The following DIAPH2 variants were observed in gnomAD, a reference collection of about 807,000 sequenced individuals.
DIAPH2 encodes the protein protein diaphanous homolog 2.
A neutral mutation model predicts 92.7 loss-of-function variants in DIAPH2; 35 were observed. The observed-to-expected ratio is 0.38, with a 90% CI of 0.29 to 0.50. The LOEUF is 0.50. DIAPH2 is among the 20% of genes least tolerant of loss of function. The pLI, the probability that DIAPH2 is intolerant of heterozygous loss-of-function variation, is 0.94. For synonymous variants in DIAPH2, 301 were observed against 280.4 expected (o/e 1.07, Z -0.73); for missense variants, 701 against 819.5 (o/e 0.86, Z 1.77).
At chrX:96,865,722 A>G (rs947603885) in intron 4 of DIAPH2, among the ~76,000 whole-genome samples, 8 of 112,123 alleles carry the variant, frequency 7.1e-5, no homozygotes, top group African/African-American at 2.6e-4. Context: ...GTTCCCATTT[A>G]TAAAATGTGT....
chrX:97,595,667 A>T (rs2071546401), intron 26 of DIAPH2, among the ~76,000 whole-genome samples: 1 of 97,694 alleles, frequency 1.0e-5, no homozygotes, highest in African/African-American at 3.9e-5. Context: ...ACAGAGTTTC[A>T]CTCTTGTTGC....
intron 17 of DIAPH2, among the ~76,000 whole-genome samples, chrX:96,970,410 A>G (rs2065921132): frequency 9.0e-6 from 1 of 110,515 alleles, no homozygotes; most frequent in Non-Finnish European, 1.9e-5. Context: ...TTACTGATTT[A>G]ATTGTGGAAC....
At chrX:97,103,741 A>G (rs1040804045) in intron 20 of DIAPH2, among the ~76,000 whole-genome samples, 1 of 112,170 alleles carries the variant, frequency 8.9e-6, no homozygotes, top group Non-Finnish European at 1.9e-5. Flanking sequence ...TTAAAATACC[A>G]GTGCTGTTCT....
At chrX:96,885,449 C>CA (rs60706314) in intron 5 of DIAPH2, 571 of 34,270 alleles carry the variant, frequency 0.017, 7 homozygotes, top group Non-Finnish European at 0.02. Context: ...AGCGAAAAGA[C>CA]AAAAAAAAAA....
intron 22 of DIAPH2, among the ~76,000 whole-genome samples, chrX:97,242,414 A>T (rs2068103723): frequency 9.2e-6 from 1 of 108,816 alleles, no homozygotes; most frequent in South Asian, 4.1e-4. Flanking sequence ...CCCAGGCTGG[A>T]GTGCAGTGGC....
intron 23 of DIAPH2, among the ~76,000 whole-genome samples, chrX:97,267,236 T>C (rs1022002900): frequency 9.0e-6 from 1 of 111,024 alleles, no homozygotes; most frequent in Non-Finnish European, 1.9e-5. Flanking sequence ...GTTTCTGAGT[T>C]ATCAATAATA....
chrX:97,474,873 A>C lies in DIAPH2; in HGVS notation c.3241+45128A>C, dbSNP rs1209414015. 2.7e-5 allele frequency among the ~76,000 whole-genome samples: 3 copies of C among 111,307 alleles called. No homozygotes were observed. In the Admixed American group the frequency reaches 2.9e-4, roughly 11 times the overall value. On this transcript the variant is annotated intron_variant, in intron 26 of 26. Coordinates refer to ENST00000324765, the MANE Select transcript of DIAPH2 (RefSeq NM_006729.5). ...TATTGTGCAGCCCAGTGATTCCTTG[A>C]ATCTCCTCTAAATGTAAACCTTGCT...
At chrX:97,505,762 C>T (rs1411497817) in intron 26 of DIAPH2, among the ~76,000 whole-genome samples, 1 of 109,506 alleles carries the variant, frequency 9.1e-6, no homozygotes, top group Non-Finnish European at 1.9e-5. Flanking sequence ...AACAGCAGTT[C>T]AAAGCCAACT....
chrX:97,490,351 T>G (rs1156371388), intron 26 of DIAPH2, among the ~76,000 whole-genome samples: 1 of 110,133 alleles, frequency 9.1e-6, no homozygotes, highest in Non-Finnish European at 1.9e-5. Context: ...AAAAACAATT[T>G]TCTGTTTCAC....
At chrX:97,011,811 G>C (rs1187763562) in intron 17 of DIAPH2, among the ~76,000 whole-genome samples, 1 of 102,124 alleles carries the variant, frequency 9.8e-6, no homozygotes, top group Non-Finnish European at 2.0e-5. Context: ...AGAATCGCTG[G>C]ACCCTGGGAG....
intron 25 of DIAPH2, among the ~76,000 whole-genome samples, chrX:97,407,461 T>A (rs1602567771): frequency 9.0e-6 from 1 of 111,715 alleles, no homozygotes; most frequent in Non-Finnish European, 1.9e-5. Context: ...TTTTACATAG[T>A]GCTATCTATT....
chrX:96,798,550 ACC>A (rs1434169386), intron 4 of DIAPH2, among the ~76,000 whole-genome samples: 2 of 110,740 alleles, frequency 1.8e-5, no homozygotes. Flanking sequence ...TAAAGTGCTT[ACC>A]TGCTATTCCC....
intron 26 of DIAPH2, among the ~76,000 whole-genome samples, chrX:97,520,841 T>A (rs2070985846): frequency 8.9e-6 from 1 of 112,136 alleles, no homozygotes. Context: ...AAGTACAACA[T>A]TGTCTTTGGT....
intron 4 of DIAPH2, among the ~76,000 whole-genome samples, chrX:96,771,480 T>C (rs975194414): frequency 8.9e-6 from 1 of 111,826 alleles, no homozygotes; most frequent in African/African-American, 3.2e-5. Flanking sequence ...TGGTTTATTT[T>C]ACTAACAATG....
At chrX:97,222,278 C>T (rs780372326) in intron 22 of DIAPH2, among the ~76,000 whole-genome samples, 16 of 111,246 alleles carry the variant, frequency 1.4e-4, no homozygotes, top group Non-Finnish European at 2.6e-4. Flanking sequence ...GATCTCAGCT[C>T]GCTGCAACCT....
At chrX:97,454,557 TAAATA>T (rs2070386367) in intron 26 of DIAPH2, among the ~76,000 whole-genome samples, 1 of 110,946 alleles carries the variant, frequency 9.0e-6, no homozygotes, top group African/African-American at 3.3e-5. Flanking sequence ...ATCATTAGAA[TAAATA>T]AAATAATAAT....
chrX:96,922,325 C>T (rs750023988), intron 9 of DIAPH2, among the ~76,000 whole-genome samples: 35 of 111,288 alleles, frequency 3.1e-4, no homozygotes, highest in African/African-American at 8.1e-4. Context: ...TTCCTATTTT[C>T]GGTTATAGAG....
chrX:97,317,869 T>C (rs2068852887), intron 23 of DIAPH2, among the ~76,000 whole-genome samples: 1 of 111,921 alleles, frequency 8.9e-6, no homozygotes, highest in Non-Finnish European at 1.9e-5. Flanking sequence ...AATTTATTTA[T>C]GGGGTACAAT....
chrX:97,480,683 G>A (rs771271309), intron 26 of DIAPH2, among the ~76,000 whole-genome samples: 3 of 110,756 alleles, frequency 2.7e-5, no homozygotes, highest in Non-Finnish European at 5.7e-5. Flanking sequence ...GATCAGGACC[G>A]ATCTTATACA....
Sources: gnomAD v4.1 joint callset for allele counts (sites outside exome capture counted in the v4.1 genomes callset) on GRCh38, gnomAD v4.1.1 for gene constraint, MANE v1.5 for transcripts, NCBI Gene and HGNC (gene_info 2026-07-23, HGNC 2026-07-21) for gene names.